Variants in TYR observed in about 807,000 individuals in gnomAD.
TYR encodes LB24-AB.
TYR carries 58 observed loss-of-function variants against 51.5 expected under a neutral mutation model. The ratio of observed to expected loss-of-function variants is 1.13; its 90% CI spans 0.91 to 1.40. The LOEUF (loss-of-function observed/expected upper bound fraction) is 1.40, where lower values mean the gene tolerates loss of function less well. Ranked by LOEUF, TYR falls within the 40% of genes most tolerant of loss-of-function variation. The pLI, the probability that TYR is intolerant of heterozygous loss-of-function variation, is 0.00. For synonymous variants in TYR, 263 were observed against 235.2 expected, an observed-to-expected ratio of 1.12 and a Z score of -1.08; for missense variants, 732 against 647.4, an observed-to-expected ratio of 1.13 and a Z score of -1.42.
intron 2 of TYR, among the ~76,000 whole-genome samples, chr11:89,216,150 T>C (rs1200855228): frequency 6.6e-6 from 1 of 152,172 alleles, no homozygotes; most frequent in African/African-American, 2.4e-5. Flanking sequence ...TGAAAGCTTA[T>C]GAACCTGGAA....
At chr11:89,283,113 G>A (rs188654498) in intron 3 of TYR, among the ~76,000 whole-genome samples, 1 of 151,868 alleles carries the variant, frequency 6.6e-6, no homozygotes, top group Non-Finnish European at 1.5e-5. Flanking sequence ...TTGACCTACA[G>A]TAGATACTCA....
intron 4 of TYR, among the ~76,000 whole-genome samples, chr11:89,292,140 A>T (rs1038642726): frequency 2.0e-5 from 3 of 151,806 alleles, no homozygotes; most frequent in African/African-American, 4.8e-5. Flanking sequence ...TAATTTATAA[A>T]TTTTTTCCCT....
intron 2 of TYR, among the ~76,000 whole-genome samples, chr11:89,197,018 A>G (rs574420515): frequency 1.8e-4 from 28 of 152,310 alleles, no homozygotes; most frequent in African/African-American, 6.7e-4. Flanking sequence ...AAAATGAGGT[A>G]GGAACCCAGA....
intron 3 of TYR, among the ~76,000 whole-genome samples, chr11:89,276,563 A>G (rs1944657055): frequency 6.6e-6 from 1 of 151,736 alleles, no homozygotes; most frequent in Admixed American, 6.6e-5. Flanking sequence ...ATGCTAATAC[A>G]TATCCTTTCC....
rs746912942 is a variant in TYR at position 89,178,312 on chromosome 11, G to A, written c.359G>A (p.Arg120Lys). 2 of 1,614,174 alleles carry A rather than the reference G, an allele frequency of 1.2e-6. No individual in the cohort carries two copies. Among genetic ancestry groups the A allele is most frequent in the Admixed American group, 3.3e-5 (2 of 60,024 alleles). Residue 120 changes from arginine to lysine, a missense_variant, in exon 1 of 5, where the codon AGA (arginine) becomes AAA (lysine). By Grantham distance (26) the Arg-to-Lys change is conservative. Coordinates refer to ENST00000263321, the MANE Select transcript of TYR (RefSeq NM_000372.5). ...TGCACAGAGAGACGACTCTTGGTGA[G>A]AAGAAACATCTTCGATTTGAGTGCC... Reference protein sequence around the residue: ...PNCTERRLLVRRNIFDLSAPE... With the variant: ...PNCTERRLLVKRNIFDLSAPE...
intron 3 of TYR, among the ~76,000 whole-genome samples, chr11:89,233,225 C>T (rs947268132): frequency 7.0e-6 from 1 of 142,392 alleles, no homozygotes; most frequent in African/African-American, 2.8e-5. Flanking sequence ...CTTTTTTTAA[C>T]CATAAAAATC....
chr11:89,262,918 T>C (rs1438889044), intron 3 of TYR, among the ~76,000 whole-genome samples: 4 of 144,952 alleles, frequency 2.8e-5, no homozygotes, highest in African/African-American at 7.7e-5. Context: ...GATAGCTTAA[T>C]TAATTGATTT....
intron 3 of TYR, among the ~76,000 whole-genome samples, chr11:89,259,395 T>C (rs1283084072): frequency 6.6e-6 from 1 of 152,060 alleles, no homozygotes; most frequent in Non-Finnish European, 1.5e-5. Context: ...TATTTAAACT[T>C]CTATCACTGA....
intron 3 of TYR, among the ~76,000 whole-genome samples, chr11:89,242,173 C>A (rs544593227): frequency 1.1e-4 from 16 of 152,030 alleles, no homozygotes; most frequent in African/African-American, 3.9e-4. Flanking sequence ...GCTTCTTTGG[C>A]TCTTTATTAA....
rs1943649949 is a variant in TYR at position 89,204,792 on chromosome 11, T to A, written c.1036+13374T>A. 2.7e-5 allele frequency among the ~76,000 whole-genome samples: 4 copies of A among 150,816 alleles called. No individual in the cohort carries two copies. In the South Asian group the frequency reaches 8.4e-4, roughly 32 times the overall value. On this transcript the variant is annotated intron_variant, in intron 2 of 4. Coordinates refer to ENST00000263321, the MANE Select transcript of TYR (RefSeq NM_000372.5). ...CAGGTTGAAAACAGAAAATAATCCC[T>A]TATCATACTAAGAAAAGTTACATCC...
In TYR at chr11:89,228,020, G is replaced by A. The variant is rs3793975; in HGVS notation, c.1184+50G>A. 0.13 allele frequency: 201,477 copies of A among 1,596,530 alleles called. 14,655 individuals are homozygous for A. The highest frequency in any genetic ancestry group is 0.29 in the African/African-American group (21,803 of 74,586). ...AACGTGCTCATTGGATTTAAATAGA[G>A]GGTGCCTATCAAATGTGATTTAAGT... On this transcript the variant is annotated intron_variant, in intron 3 of 4. Transcript: ENST00000263321.
chr11:89,277,241 A>G (rs544236382), intron 3 of TYR, among the ~76,000 whole-genome samples: 1 of 151,750 alleles, frequency 6.6e-6, no homozygotes, highest in African/African-American at 2.4e-5. Context: ...GAAAAAAATA[A>G]ATAATAATAA....
intron 2 of TYR, among the ~76,000 whole-genome samples, chr11:89,222,122 G>A (rs1299228781): frequency 6.6e-6 from 1 of 152,150 alleles, no homozygotes; most frequent in Non-Finnish European, 1.5e-5. Flanking sequence ...AAAGGCAGAA[G>A]GATTTTTGGA....
At position 89,193,545 on chromosome 11, in the gene TYR, A is replaced by G. The variant is rs550327286; in HGVS notation, c.1036+2127A>G. Among the ~76,000 whole-genome samples, 8 of 152,292 alleles carry G rather than the reference A, an allele frequency of 5.3e-5. No individual in the cohort carries two copies. The South Asian group carries it at 1.0e-3, about 20-fold the overall frequency. On this transcript the variant is annotated intron_variant, in intron 2 of 4. Coordinates refer to ENST00000263321, the MANE Select transcript of TYR (RefSeq NM_000372.5). The stretch of plus-strand genomic sequence containing the variant: ...GAGAAGCAAACAGATGCAACATAGC[A>G]TATTGTCTGGCACACAGTCGTTCGG...
intron 2 of TYR, among the ~76,000 whole-genome samples, chr11:89,213,288 C>A (rs1171159872): frequency 6.6e-6 from 1 of 151,944 alleles, no homozygotes; most frequent in Non-Finnish European, 1.5e-5. Context: ...TCCTATATAC[C>A]AATAATAGAC....
intron 3 of TYR, among the ~76,000 whole-genome samples, chr11:89,265,325 C>A (rs1280163188): frequency 6.6e-6 from 1 of 151,988 alleles, no homozygotes; most frequent in Non-Finnish European, 1.5e-5. Context: ...GTCAGACGGG[C>A]CCAAAGAGGA....
intron 3 of TYR, among the ~76,000 whole-genome samples, chr11:89,259,753 C>G (rs1944435611): frequency 6.6e-6 from 1 of 152,066 alleles, no homozygotes; most frequent in African/African-American, 2.4e-5. Context: ...TGGCATTCTA[C>G]CAACTTCCCA....
chr11:89,203,899 C>A (rs912379895), intron 2 of TYR, among the ~76,000 whole-genome samples: 1 of 152,192 alleles, frequency 6.6e-6, no homozygotes, highest in Non-Finnish European at 1.5e-5. Flanking sequence ...GAGGCACAAT[C>A]CCCACCCAAG....
chr11:89,200,092 G>A (rs1943577215), intron 2 of TYR, among the ~76,000 whole-genome samples: 2 of 152,122 alleles, frequency 1.3e-5, no homozygotes, highest in South Asian at 4.1e-4. Flanking sequence ...CGAGTTAAAA[G>A]ACTTCAGGAG....
Sources: gnomAD v4.1 joint callset for allele counts (sites outside exome capture counted in the v4.1 genomes callset) on GRCh38, gnomAD v4.1.1 for gene constraint, MANE v1.5 for transcripts, NCBI Gene and HGNC (gene_info 2026-07-23, HGNC 2026-07-21) for gene names.